Variants in MAPK8 observed in about 807,000 individuals in gnomAD.
The protein encoded by MAPK8 is mitogen-activated protein kinase 8.
Under a neutral mutation model 52.9 loss-of-function variants are expected in MAPK8, and 13 were observed. The observed-to-expected ratio is 0.25, with a 90% confidence interval of 0.16 to 0.39. The LOEUF (loss-of-function observed/expected upper bound fraction) is 0.39, where lower values mean the gene tolerates loss of function less well. MAPK8 is among the 10% of genes least tolerant of loss of function. MAPK8 has a pLI of 1.00. For synonymous variants in MAPK8, 191 were observed against 169.8 expected, an observed-to-expected ratio of 1.12 and a Z score of -0.97; for missense variants, 300 against 519.2, an observed-to-expected ratio of 0.58 and a Z score of 4.10.
At chr10:48,383,427 A>G (rs2041131999) in intron 1 of MAPK8, among the ~76,000 whole-genome samples, 1 of 152,218 alleles carries the variant, frequency 6.6e-6, no homozygotes, top group African/African-American at 2.4e-5. Context: ...CAAGAGTCAT[A>G]TTAATATTGT....
At chr10:48,428,574 G>T (rs866874924) in intron 10 of MAPK8, among the ~76,000 whole-genome samples, 3 of 152,298 alleles carry the variant, frequency 2.0e-5, no homozygotes, top group Middle Eastern at 6.8e-3. Flanking sequence ...TTAGAGATTG[G>T]TTTTCTCTGA....
intron 5 of MAPK8, among the ~76,000 whole-genome samples, chr10:48,418,866 A>C (rs1219920402): frequency 6.6e-6 from 1 of 152,200 alleles, no homozygotes; most frequent in Non-Finnish European, 1.5e-5. Context: ...GAAGTGCTTG[A>C]AATTGGAATG....
Position 48,435,239 on chromosome 10 carries a change from A to ATT in MAPK8, c.*217_*218dup, listed in dbSNP as rs112248653. On this transcript the variant is annotated 3_prime_UTR_variant, in exon 12 of 12. Transcript: ENST00000374189. ...CAAAACAGCAACAAAACTGTATTGT[A>ATT]TTTTTTTTGCTGTAATTAACTGTAT... 2.5e-5 allele frequency: 11 copies of ATT among 439,692 alleles called. No homozygotes were observed. Among genetic ancestry groups the ATT allele is most frequent in the Admixed American group, 1.6e-4 (4 of 24,412 alleles). 27.2% of individuals were successfully genotyped at this position (439,692 alleles called of 1,614,324 possible).
At chr10:48,420,450 A>G in intron 6 of MAPK8, 130 bp downstream of exon 6, 1 of 893,504 alleles carries the variant, frequency 1.1e-6, no homozygotes, top group Non-Finnish European at 1.6e-6. Flanking sequence ...AATGTGTATC[A>G]AAAGTTTGCA....
intron 1 of MAPK8, among the ~76,000 whole-genome samples, chr10:48,310,938 G>C (rs1841922620): frequency 6.6e-6 from 1 of 152,054 alleles, no homozygotes; most frequent in African/African-American, 2.4e-5. Context: ...AGAAAGTCAA[G>C]GAACTCAAAC....
chr10:48,332,392 G>C (rs999821064), intron 1 of MAPK8, among the ~76,000 whole-genome samples: 14 of 152,174 alleles, frequency 9.2e-5, no homozygotes, highest in African/African-American at 3.4e-4. Context: ...CCCATACCCT[G>C]TTGCATCATG....
At chr10:48,341,211 G>T (rs867631) in intron 1 of MAPK8, among the ~76,000 whole-genome samples, 4 of 151,980 alleles carry the variant, frequency 2.6e-5, no homozygotes, top group Admixed American at 1.3e-4. Flanking sequence ...ACAGTGAAAT[G>T]TTTTTTCCTT....
At chr10:48,370,737 A>G (rs1478057396) in intron 1 of MAPK8, among the ~76,000 whole-genome samples, 1 of 152,104 alleles carries the variant, frequency 6.6e-6, no homozygotes, top group East Asian at 1.9e-4. Flanking sequence ...AGGAAGAGCA[A>G]GTTAGTTTTA....
At chr10:48,386,116 C>T (rs1276436512) in intron 1 of MAPK8, among the ~76,000 whole-genome samples, 3 of 151,998 alleles carry the variant, frequency 2.0e-5, no homozygotes, top group Admixed American at 2.0e-4. Flanking sequence ...GGAATTGTCT[C>T]GTGGTGGTTG....
chr10:48,425,297 C>T (rs1564618589), intron 7 of MAPK8: 2 of 609,612 alleles, frequency 3.3e-6, no homozygotes, highest in Non-Finnish European at 6.0e-6. Flanking sequence ...CCTAACCTTA[C>T]AACTTAGCAA....
intron 1 of MAPK8, among the ~76,000 whole-genome samples, chr10:48,331,137 T>C (rs1056445849): frequency 6.6e-6 from 1 of 152,168 alleles, no homozygotes; most frequent in Non-Finnish European, 1.5e-5. Context: ...CCATACATCA[T>C]CCCAGCTGGG....
intron 1 of MAPK8, among the ~76,000 whole-genome samples, chr10:48,347,092 ACT>A (rs1845863215): frequency 6.7e-6 from 1 of 149,812 alleles, no homozygotes; most frequent in African/African-American, 2.5e-5. Context: ...TTATTTCTAC[ACT>A]CTCTCGTTGC....
intron 1 of MAPK8, among the ~76,000 whole-genome samples, chr10:48,345,110 G>A (rs189292915): frequency 1.2e-4 from 18 of 152,264 alleles, no homozygotes; most frequent in Admixed American, 9.8e-4. Context: ...AAACAGAAAG[G>A]ATCATTTTTT....
intron 7 of MAPK8, 74 bp downstream of exon 7, chr10:48,424,233 T>C (rs1390125568): frequency 3.0e-6 from 4 of 1,325,702 alleles, no homozygotes; most frequent in African/African-American, 1.4e-5. Context: ...AAAATGAATA[T>C]GCTACATTTA....
At chr10:48,342,852 G>A (rs1195998252) in intron 1 of MAPK8, among the ~76,000 whole-genome samples, 1 of 152,166 alleles carries the variant, frequency 6.6e-6, no homozygotes, top group Non-Finnish European at 1.5e-5. Flanking sequence ...TCAGAGGAGA[G>A]ATCAGAATTG....
chr10:48,354,634 A>G (rs550842255), intron 1 of MAPK8, among the ~76,000 whole-genome samples: 3 of 152,174 alleles, frequency 2.0e-5, no homozygotes, highest in Admixed American at 6.5e-5. Context: ...TTTCCAGATG[A>G]TAGTGATTTT....
chr10:48,399,069 G>A (rs1468752008), intron 1 of MAPK8, among the ~76,000 whole-genome samples: 10 of 152,122 alleles, frequency 6.6e-5, no homozygotes, highest in Admixed American at 6.6e-4. Context: ...CATATTCAGT[G>A]TTCAGATCTT....
chr10:48,408,195 C>CCATA (rs2042568424), intron 3 of MAPK8, among the ~76,000 whole-genome samples: 1 of 152,134 alleles, frequency 6.6e-6, no homozygotes, highest in African/African-American at 2.4e-5. Context: ...ATGTAACTTG[C>CCATA]CATATACTAG....
chr10:48,389,843 G>A (rs920835875), intron 1 of MAPK8, among the ~76,000 whole-genome samples: 2 of 152,188 alleles, frequency 1.3e-5, no homozygotes, highest in African/African-American at 4.8e-5. Flanking sequence ...GGGTTGAGGG[G>A]AGAGAGTGTG....
Sources: allele counts gnomAD v4.1 joint callset (sites outside exome capture counted in the v4.1 genomes callset), GRCh38; gene constraint gnomAD v4.1.1; transcripts MANE v1.5; gene names NCBI Gene and HGNC (gene_info 2026-07-23, HGNC 2026-07-21).